Variants in COL19A1 observed in about 807,000 individuals in gnomAD.
The protein encoded by COL19A1 is collagen type XIX alpha 1 chain.
Under a neutral mutation model 190.2 loss-of-function variants are expected in COL19A1, and 159 were observed. That is an observed-to-expected ratio of 0.84 (90% CI 0.73 to 0.95). The LOEUF (loss-of-function observed/expected upper bound fraction) is 0.95, where lower values mean the gene tolerates loss of function less well. Among genes scored for constraint, COL19A1 ranks in the 40% least tolerant of loss-of-function variants. COL19A1 has a pLI of 0.00. For missense variants in COL19A1, 1,418 were observed against 1,431.9 expected (o/e 0.99, Z 0.16); for synonymous variants, 509 against 458.9 (o/e 1.11, Z -1.39).
At chr6:70,185,121 T>G (rs753305251) in intron 46 of COL19A1, among the ~76,000 whole-genome samples, 7 of 152,222 alleles carry the variant, frequency 4.6e-5, no homozygotes, top group Non-Finnish European at 8.8e-5. Context: ...AGTTGGCCTT[T>G]GTACACAGCC....
rs1166860692 is a variant in COL19A1 at position 70,105,377 on chromosome 6, C to T, written c.1278+3155C>T. Among the ~76,000 whole-genome samples, 3 of 151,978 alleles carry T rather than the reference C, an allele frequency of 2.0e-5. No homozygotes were observed. In the East Asian group the frequency reaches 5.8e-4, roughly 29 times the overall value. ...TTTACCATGTTGGCCAGGATGGTCT[C>T]GATCTCTTGACCTCGTGATCCACTC... On this transcript the variant is annotated intron_variant, in intron 16 of 50. Coordinates refer to ENST00000620364, the MANE Select transcript of COL19A1 (RefSeq NM_001858.6).
At chr6:70,172,442 G>A (rs1414320649) in intron 41 of COL19A1, among the ~76,000 whole-genome samples, 1 of 152,084 alleles carries the variant, frequency 6.6e-6, no homozygotes, top group Admixed American at 6.5e-5. Context: ...GGGAGGGAGT[G>A]AGGAGATAGT....
At chr6:69,947,838 T>G (rs976865394) in intron 9 of COL19A1, among the ~76,000 whole-genome samples, 1 of 151,866 alleles carries the variant, frequency 6.6e-6, no homozygotes, top group African/African-American at 2.4e-5. Flanking sequence ...ATGCAAATTC[T>G]TTACTCCTAT....
chr6:69,879,818 A>G (rs1768395925), intron 2 of COL19A1, 160 bp downstream of exon 2: 2 of 678,390 alleles, frequency 2.9e-6, no homozygotes, highest in East Asian at 2.7e-5. Flanking sequence ...CATGATGCAC[A>G]TTAGGAATTC....
rs146154227 is a variant in COL19A1, at chr6:70,019,676, G to C, written c.1027-3951G>C. 2.6e-5 allele frequency among the ~76,000 whole-genome samples: 4 copies of C among 152,100 alleles called. No individual in the cohort carries two copies. In the East Asian group the frequency reaches 7.7e-4, roughly 29 times the overall value. The stretch of plus-strand genomic sequence containing the variant: ...TTTCGTTGAAGTTTTTATTAGACTA[G>C]AATGATTTATTTTATTTGTAAAGAA... On this transcript the variant is annotated intron_variant, in intron 11 of 50. Transcript: ENST00000620364.
At chr6:69,975,106 C>G (rs1775643853) in intron 11 of COL19A1, among the ~76,000 whole-genome samples, 1 of 152,158 alleles carries the variant, frequency 6.6e-6, no homozygotes, top group African/African-American at 2.4e-5. Context: ...AGCCACCGCA[C>G]CCAGCCAAGA....
chr6:70,026,319 A>C (rs1048108502), intron 12 of COL19A1, among the ~76,000 whole-genome samples: 1 of 152,286 alleles, frequency 6.6e-6, no homozygotes, highest in Admixed American at 6.5e-5. Flanking sequence ...TGAGTTCCAA[A>C]TCTGAGTAAC....
intron 20 of COL19A1, 51 bp from the exon 21 acceptor site, chr6:70,141,842 A>T (rs778368744): frequency 2.5e-6 from 3 of 1,213,264 alleles, no homozygotes; most frequent in Non-Finnish European, 3.6e-6. Context: ...AGAGATGTCC[A>T]TTTCCATCTG....
intron 15 of COL19A1, among the ~76,000 whole-genome samples, chr6:70,100,455 A>G (rs562584047): frequency 6.6e-6 from 1 of 152,302 alleles, no homozygotes; most frequent in African/African-American, 2.4e-5. Flanking sequence ...AATCCTCCAA[A>G]AGAACTGCAT....
chr6:70,156,223 G>T lies in COL19A1; in HGVS notation c.2176G>T (p.Ala726Ser), dbSNP rs1277449817. Residue 726 changes from alanine to serine, a missense_variant, in exon 32 of 51, where the codon GCC (alanine) becomes TCC (serine). Ala to Ser is a moderately conservative substitution (Grantham distance 99). Transcript: ENST00000620364. The part of the protein sequence containing the change: ...AGEPGKYDSM[A>S]RKGDIGPRGP... ...TGAGCCTGGAAAGTATGATTCCATGGCCCGGAAGGTGAGAAGCCTGGCTGA... is the reference window on the plus strand; with the variant it reads ...TGAGCCTGGAAAGTATGATTCCATGTCCCGGAAGGTGAGAAGCCTGGCTGA... 6.2e-7 allele frequency: 1 copy of T among 1,613,304 alleles called. No homozygotes were observed. Among genetic ancestry groups the T allele is most frequent in the South Asian group, 1.1e-5 (1 of 91,068 alleles).
intron 11 of COL19A1, among the ~76,000 whole-genome samples, chr6:69,995,185 T>A (rs1776834278): frequency 6.6e-6 from 1 of 151,198 alleles, no homozygotes; most frequent in African/African-American, 2.5e-5. Context: ...CATGTTCCAT[T>A]GGGACCATTT....
intron 9 of COL19A1, among the ~76,000 whole-genome samples, chr6:69,938,650 T>C (rs908903670): frequency 6.6e-6 from 1 of 152,050 alleles, no homozygotes; most frequent in African/African-American, 2.4e-5. Flanking sequence ...AGGCCATATG[T>C]GTTAGGTGCT....
At chr6:69,914,003 T>C (rs1327426510) in intron 4 of COL19A1, among the ~76,000 whole-genome samples, 1 of 151,708 alleles carries the variant, frequency 6.6e-6, no homozygotes, top group African/African-American at 2.4e-5. Context: ...CAGAAAAAAC[T>C]AACCTTCAAT....
At chr6:70,031,291 G>T (rs1290891719) in intron 12 of COL19A1, among the ~76,000 whole-genome samples, 4 of 151,410 alleles carry the variant, frequency 2.6e-5, no homozygotes, top group African/African-American at 9.7e-5. Flanking sequence ...TTTTACACAT[G>T]TATAATACAT....
chr6:70,144,051 T>C (rs527929462), intron 23 of COL19A1, among the ~76,000 whole-genome samples, 159 bp from the exon 24 acceptor site: 1 of 152,234 alleles, frequency 6.6e-6, no homozygotes, highest in African/African-American at 2.4e-5. Flanking sequence ...GAATCACTAA[T>C]ATTTTTCCAG....
chr6:69,944,474 A>G (rs572178284), intron 9 of COL19A1, among the ~76,000 whole-genome samples: 1 of 152,304 alleles, frequency 6.6e-6, no homozygotes, highest in African/African-American at 2.4e-5. Flanking sequence ...TCTGCTGAGC[A>G]AGGCAAAGAT....
chr6:69,973,889 T>C (rs913925262), intron 11 of COL19A1: 1 of 152,226 alleles, frequency 6.6e-6, no homozygotes, highest in Non-Finnish European at 1.5e-5. Flanking sequence ...AGCAATTCAC[T>C]GTATAGGAAT....
intron 2 of COL19A1, among the ~76,000 whole-genome samples, chr6:69,895,729 T>G (rs1402085301): frequency 1.3e-5 from 2 of 152,198 alleles, no homozygotes; most frequent in Non-Finnish European, 2.9e-5. Flanking sequence ...CTCGTTAATA[T>G]TTTTTGGGTG....
Position 70,146,696 on chromosome 6 carries a change from G to A in COL19A1, c.1808G>A (p.Gly603Glu). The part of the protein sequence containing the change: ...DGNPGAPGPR[G>E]PKGERGLPGV... ...AATCCTGGAGCACCTGGTCCACGTG[G>A]GCCAAAGGTATACAAATATTATAGT... Residue 603 changes from glycine to glutamate, a missense_variant, in exon 26 of 51, where the codon GGG (glycine) becomes GAG (glutamate). By Grantham distance (98) the Gly-to-Glu change is moderately conservative (BLOSUM62 -2). Transcript: ENST00000620364. The A allele has an allele frequency of 6.2e-7, 1 of 1,605,672 alleles. No homozygotes were observed. Among genetic ancestry groups the A allele is most frequent in the Non-Finnish European group, 8.5e-7 (1 of 1,176,476 alleles).
Sources: allele counts gnomAD v4.1 joint callset (sites outside exome capture counted in the v4.1 genomes callset), GRCh38; gene constraint gnomAD v4.1.1; transcripts MANE v1.5; gene names NCBI Gene and HGNC (gene_info 2026-07-23, HGNC 2026-07-21).